The following GTPBP1 variants were observed in gnomAD, a reference collection of about 807,000 sequenced individuals.
GTPBP1 encodes GTP binding protein 1.
Under a neutral mutation model 62.0 loss-of-function variants are expected in GTPBP1, and 23 were observed. The ratio of observed to expected loss-of-function variants is 0.37; its 90% CI spans 0.27 to 0.53. The LOEUF (loss-of-function observed/expected upper bound fraction) is 0.53. Among genes scored for constraint, GTPBP1 ranks in the 20% least tolerant of loss-of-function variants. The pLI, the probability that GTPBP1 is intolerant of heterozygous loss-of-function variation, is 0.89. For missense variants in GTPBP1, 640 were observed against 917.3 expected, an observed-to-expected ratio of 0.70 and a Z score of 3.90; for synonymous variants, 344 against 364.4, an observed-to-expected ratio of 0.94 and a Z score of 0.64.
chr22:38,739,258 C>A, downstream of GTPBP1: 1 of 1,452,122 alleles, frequency 6.9e-7, no homozygotes, highest in Non-Finnish European at 9.7e-7. The surrounding 1 kb of genome is among the most constrained non-coding windows in gnomAD (Gnocchi z 6.7). Context: ...GCTTGCTCTG[C>A]CCCACCACCA....
downstream of GTPBP1, chr22:38,740,926 C>T (rs543315946): frequency 9.8e-5 from 138 of 1,411,930 alleles, 1 homozygote; most frequent in African/African-American, 1.2e-3. This position sits in a 1 kb window ranked among gnomAD's most constrained non-coding sequence, Gnocchi z 4.8. Flanking sequence ...CTCTGCTCTG[C>T]GGCTCTGCTC....
chr22:38,733,867 AG>A (rs1263376151), downstream of GTPBP1, among the ~76,000 whole-genome samples: 2 of 152,246 alleles, frequency 1.3e-5, no homozygotes, highest in Non-Finnish European at 2.9e-5. Context: ...AGATGGGCAG[AG>A]GGCATGTGCC....
At chr22:38,712,642 C>T (rs1016865452) in intron 2 of GTPBP1, among the ~76,000 whole-genome samples, 2 of 152,126 alleles carry the variant, frequency 1.3e-5, no homozygotes, top group African/African-American at 2.4e-5. Flanking sequence ...ACCTTTGTCT[C>T]GGCTTCCACA....
At chr22:38,720,662 G>A (rs111546565) in intron 4 of GTPBP1, among the ~76,000 whole-genome samples, 77 of 151,912 alleles carry the variant, frequency 5.1e-4, no homozygotes, top group Admixed American at 3.3e-4. Context: ...TTTCATACAC[G>A]TGCCCTGATT....
chr22:38,736,166 G>C, downstream of GTPBP1: 1 of 1,135,794 alleles, frequency 8.8e-7, no homozygotes, highest in Non-Finnish European at 1.3e-6. Context: ...CTCCTCTCTT[G>C]TGCTCCTAGA....
rs900020867 is a variant in GTPBP1 at position 38,730,982 on chromosome 22, G to C, written c.*278G>C. The C allele has an allele frequency of 2.3e-6, 1 of 435,978 alleles. No individual in the cohort carries two copies. The highest frequency in any genetic ancestry group is 4.1e-6 in the Non-Finnish European group (1 of 245,154). 27.0% of individuals were successfully genotyped at this position (435,978 alleles called of 1,614,324 possible). ...CATCTGGGCCCTTAGTTTTTATTCTGTTTATTATATGTCTCTGTCTCTCTC... is the reference window on the plus strand; with the variant it reads ...CATCTGGGCCCTTAGTTTTTATTCTCTTTATTATATGTCTCTGTCTCTCTC... On this transcript the variant is annotated 3_prime_UTR_variant, in exon 12 of 12. Coordinates refer to ENST00000216044, the MANE Select transcript of GTPBP1 (RefSeq NM_004286.5). The surrounding 1 kb of genome is among the most constrained non-coding windows in gnomAD (Gnocchi z 5.6).
At chr22:38,715,810 G>A in intron 2 of GTPBP1, 97 bp from the exon 3 acceptor site, 3 of 931,002 alleles carry the variant, frequency 3.2e-6, no homozygotes, top group East Asian at 4.9e-5. Context: ...GGGTCGGGGG[G>A]TGGTGGCCTT....
At position 38,716,558 on chromosome 22, in the gene GTPBP1, G is replaced by A; in HGVS notation, c.486-94G>A. 1 of 912,316 alleles carries A rather than the reference G, an allele frequency of 1.1e-6. No individual in the cohort carries two copies. The highest frequency in any genetic ancestry group is 1.7e-6 in the Non-Finnish European group (1 of 584,076). 56.5% of individuals were successfully genotyped at this position (912,316 alleles called of 1,614,324 possible). On this transcript the variant is annotated intron_variant, in intron 3 of 11. Transcript: ENST00000216044. This position sits in a 1 kb window ranked among gnomAD's most constrained non-coding sequence, Gnocchi z 5.2. ...AGCCGGAGGGGATCGGGGCAAGCCT[G>A]GACTTGCGGATCCAATTACTGGGGT...
chr22:38,725,586 G>T (rs2092722690), intron 6 of GTPBP1: 2 of 165,676 alleles, frequency 1.2e-5, no homozygotes, highest in African/African-American at 2.4e-5. Flanking sequence ...TTTGCGAGAA[G>T]TGAATCTGCA....
rs1311630339 is a variant in GTPBP1, at chr22:38,732,314, G to A, written c.*1610G>A. 6.6e-6 allele frequency: 1 copy of A among 152,642 alleles called. No individual in the cohort carries two copies. Among genetic ancestry groups the A allele is most frequent in the African/African-American group, 2.4e-5 (1 of 41,456 alleles). The allele number at this position is 152,642 out of a possible 1,614,324, so 9.5% of individuals were successfully genotyped here. ...GGAACGCAGTTGCTCTGCCTGCCCT[G>A]GGGCCCCTGGCGACAGCTGGGAGCA... On this transcript the variant is annotated 3_prime_UTR_variant, in exon 12 of 12. Transcript: ENST00000216044.
chr22:38,738,689 G>C (rs754222787), downstream of GTPBP1: 1 of 1,613,836 alleles, frequency 6.2e-7, no homozygotes, highest in Non-Finnish European at 8.5e-7. This position sits in a 1 kb window ranked among gnomAD's most constrained non-coding sequence, Gnocchi z 6.6. Flanking sequence ...TGCGGGCAGA[G>C]AGGCGGACCA....
intron 2 of GTPBP1, among the ~76,000 whole-genome samples, chr22:38,711,880 AATTATT>A (rs1294579236): frequency 6.6e-6 from 1 of 151,928 alleles, no homozygotes; most frequent in East Asian, 1.9e-4. Context: ...AGTATTTTAA[AATTATT>A]ATTATTATTT....
At chr22:38,722,438 A>G (rs936842876) in intron 5 of GTPBP1, among the ~76,000 whole-genome samples, 2 of 152,200 alleles carry the variant, frequency 1.3e-5, no homozygotes, top group Admixed American at 1.3e-4. Flanking sequence ...TGTTGTAGGC[A>G]AGCTTCAAGT....
chr22:38,742,611 C>A (rs1032150222), downstream of GTPBP1: 4 of 1,551,758 alleles, frequency 2.6e-6, no homozygotes, highest in Non-Finnish European at 2.6e-6. Flanking sequence ...ATAGTGCTTC[C>A]CAAAGACCAC....
At chr22:38,740,269 C>A, downstream of GTPBP1, 1 of 1,576,056 alleles carries the variant, frequency 6.3e-7, no homozygotes, top group Non-Finnish European at 8.6e-7. The surrounding 1 kb of genome is among the most constrained non-coding windows in gnomAD (Gnocchi z 4.8). Context: ...CCACTCACGT[C>A]GTCCCGCACG....
chr22:38,721,914 C>T (rs2092702579), intron 5 of GTPBP1, 49 bp downstream of exon 5: 3 of 1,455,964 alleles, frequency 2.1e-6, no homozygotes, highest in Non-Finnish European at 2.8e-6. Flanking sequence ...GGGGCTGTCA[C>T]CTGCTGTGCC....
In GTPBP1 at chr22:38,721,882, G is replaced by A; in HGVS notation, c.958+17G>A. 3.8e-6 allele frequency: 6 copies of A among 1,559,472 alleles called. No individual in the cohort carries two copies. The highest frequency in any genetic ancestry group is 5.3e-6 in the Non-Finnish European group (6 of 1,140,686). On this transcript the variant is annotated intron_variant, in intron 5 of 11. Transcript: ENST00000216044. ...TCCTGCAAGGTAAGTGAAGCCTCCA[G>A]CTAGCAGCAGCCCCTCTGATTGGGG...
In GTPBP1 at chr22:38,729,567, T is replaced by C; in HGVS notation, c.1822T>C (p.Ser608Pro). The change falls in exon 11 of 12, where the codon TCT becomes CCT. Residue 608 changes from serine to proline, a missense_variant. Physicochemically the swap from Ser to Pro is moderately conservative, Grantham distance 74 (BLOSUM62 -1). Around this residue, in one of 4 missense-constraint regions of GTPBP1, gnomAD observed 117 missense variants for 107.1 expected, o/e 1.09. Transcript: ENST00000216044. The stretch of plus-strand genomic sequence containing the variant: ...GACGAAACGAGACGAGGGGGGCCCG[T>C]CTGGTGGGCCAGCAGTAGGAGCACC... ...PLTKRDEGGP[S>P]GGPAVGAPPP... 1.3e-6 allele frequency: 2 copies of C among 1,599,134 alleles called. No individual in the cohort carries two copies. The highest frequency in any genetic ancestry group is 1.7e-6 in the Non-Finnish European group (2 of 1,173,334).
chr22:38,715,923 G>C lies in GTPBP1; in HGVS notation c.321G>C (p.Gly107=), dbSNP rs749511311. 6.2e-7 allele frequency: 1 copy of C among 1,613,512 alleles called. No homozygotes were observed. The highest frequency in any genetic ancestry group is 8.5e-7 in the Non-Finnish European group (1 of 1,179,778). ...TGTCACCAGATGGGACTGAGTATGG[G>C]CTGAGTGAAGCTGACATGGAGGCCT... The part of the protein sequence containing the change: ...IGQGSDGTEY[G]LSEADMEASY... The change falls in exon 3 of 12, where the codon GGG becomes GGC. Residue 107 remains glycine, a synonymous_variant. Coordinates refer to ENST00000216044, the MANE Select transcript of GTPBP1 (RefSeq NM_004286.5).
Sources: gnomAD v4.1 joint callset for allele counts (sites outside exome capture counted in the v4.1 genomes callset) on GRCh38, gnomAD v4.1.1 for gene constraint, gnomAD v4.1.1 regional missense constraint, Gnocchi (gnomAD v3.1) non-coding constraint, MANE v1.5 for transcripts, NCBI Gene and HGNC (gene_info 2026-07-23, HGNC 2026-07-21) for gene names.